The following BRD2 variants were observed in gnomAD, a reference collection of about 807,000 sequenced individuals.
BRD2 encodes bromodomain-containing protein 2.
BRD2 carries 15 observed loss-of-function variants against 79.1 expected under a neutral mutation model. That is an observed-to-expected ratio of 0.19 (90% CI 0.13 to 0.29). The LOEUF is 0.29. Among genes scored for constraint, BRD2 ranks in the 10% least tolerant of loss-of-function variants. The probability of loss-of-function intolerance (pLI) is 1.00; values close to 1 mark genes in which losing one functional copy is unlikely to be tolerated. For synonymous variants in BRD2, 488 were observed against 358.6 expected, an observed-to-expected ratio of 1.36 and a Z score of -4.08; for missense variants, 1,053 against 991.3, an observed-to-expected ratio of 1.06 and a Z score of -0.84.
At chr6:32,979,598 G>A (rs894120917) in intron 10 of BRD2, 13 of 529,672 alleles carry the variant, frequency 2.5e-5, no homozygotes, top group Admixed American at 7.0e-5. Flanking sequence ...TTTCATTAAG[G>A]TATGTACGTA....
Position 32,978,120 on chromosome 6 carries a change from C to T in BRD2, c.1579-6C>T, listed in dbSNP as rs371813541. ...CTTTTTCCACTTCATGTTTTTTTTC[C>T]TTTAGCTTCGGGCAGTACATGAACA... On this transcript the variant is annotated splice_region_variant and splice_polypyrimidine_tract_variant and intron_variant, in intron 9 of 12. Coordinates refer to ENST00000374825, the MANE Select transcript of BRD2 (RefSeq NM_005104.4). The T allele has an allele frequency of 1.7e-4, 263 of 1,590,566 alleles. No individual in the cohort carries two copies. The African/African-American group carries it at 1.9e-3, about 11-fold the overall frequency.
At chr6:32,971,551 A>G in intron 1 of BRD2, 44 bp from the exon 2 acceptor site, 1 of 452,162 alleles carries the variant, frequency 2.2e-6, no homozygotes, top group South Asian at 4.7e-5. Context: ...GCCATAGAGG[A>G]GCAGGCCGCG....
In BRD2 at chr6:32,971,854, A is replaced by C; in HGVS notation, c.-1045A>C. On this transcript the variant is annotated 5_prime_UTR_variant, in exon 2 of 13. Transcript: ENST00000374825. ...GAGGCTCTGGGGCGATGGCTTCCGC[A>C]CCTCTTCCAACCACCCTCTTTCCCT... 1.4e-6 allele frequency: 1 copy of C among 696,094 alleles called. No individual in the cohort carries two copies. The highest frequency in any genetic ancestry group is 2.6e-6 in the Non-Finnish European group (1 of 381,872). The allele number at this position is 696,094 out of a possible 1,614,324, so 43.1% of individuals were successfully genotyped here. A position where few individuals can be genotyped will look rare whatever the true frequency, so the allele number is the denominator to read the frequency against.
At chr6:32,974,977 C>T in intron 3 of BRD2, 2 of 1,480,120 alleles carry the variant, frequency 1.4e-6, no homozygotes, top group South Asian at 1.2e-5. Context: ...TTGTGCCCTC[C>T]ATGTGTCCTT....
chr6:32,980,603 C>G lies in BRD2; in HGVS notation c.2291C>G (p.Ser764Cys). ...GCAGCGAATGAGAAAACAGAGTCATCCTCTGCACAGCAAGTAGCAGTGTCA... is the reference window on the plus strand; with the variant it reads ...GCAGCGAATGAGAAAACAGAGTCATGCTCTGCACAGCAAGTAGCAGTGTCA... ...PKKANEKTES[S>C]SAQQVAVSRL... The change falls in exon 13 of 13, where the codon TCC becomes TGC. Residue 764 changes from serine to cysteine, a missense_variant. Physicochemically the swap from Ser to Cys is moderately radical, Grantham distance 112. Transcript: ENST00000374825. 2 of 1,610,358 alleles carry G rather than the reference C, an allele frequency of 1.2e-6. No homozygotes were observed. Among genetic ancestry groups the G allele is most frequent in the Non-Finnish European group, 8.5e-7 (1 of 1,177,826 alleles).
chr6:32,972,821 C>T lies in BRD2; in HGVS notation c.-78C>T, dbSNP rs1778196692. 2.5e-6 allele frequency: 4 copies of T among 1,606,858 alleles called. No homozygotes were observed. The highest frequency in any genetic ancestry group is 2.2e-5 in the East Asian group (1 of 44,868). On this transcript the variant is annotated 5_prime_UTR_variant, in exon 2 of 13. Coordinates refer to ENST00000374825, the MANE Select transcript of BRD2 (RefSeq NM_005104.4). ...CCTCCCCCCAACTTAGCGGGTTATG[C>T]TGGACCGGGCGGTGAGGGGAACCGA...
intron 4 of BRD2, among the ~76,000 whole-genome samples, 154 bp downstream of exon 4, chr6:32,975,675 T>TCTA: frequency 6.6e-6 from 1 of 152,334 alleles, no homozygotes; most frequent in East Asian, 1.9e-4. Flanking sequence ...CTCTAGATGG[T>TCTA]ACTATTGAAC....
Position 32,975,378 on chromosome 6 carries a change from A to G in BRD2, c.334-6A>G, listed in dbSNP as rs538108726. 4 of 1,600,086 alleles carry G rather than the reference A, an allele frequency of 2.5e-6. No homozygotes were observed. In the Admixed American group the frequency reaches 5.1e-5, roughly 20 times the overall value. On this transcript the variant is annotated splice_region_variant and splice_polypyrimidine_tract_variant and intron_variant, in intron 3 of 12. Transcript: ENST00000374825. ...TGTGGTTCTGACCTAACATTTTTTT[A>G]TTTAGGATTATCACAAAATTATAAA...
At chr6:32,969,318 A>T in intron 1 of BRD2, 1 of 716,672 alleles carries the variant, frequency 1.4e-6, no homozygotes, top group Non-Finnish European at 2.6e-6. Flanking sequence ...CCCCTATTCC[A>T]TTCGTCCCCT....
At chr6:32,974,861 G>A in intron 3 of BRD2, 96 bp downstream of exon 3, 1 of 1,468,922 alleles carries the variant, frequency 6.8e-7, no homozygotes, top group Non-Finnish European at 9.2e-7. Flanking sequence ...GGCCCCTAGG[G>A]AGTTCCCATT....
At chr6:32,973,188 A>C in intron 2 of BRD2, 2 of 1,528,662 alleles carry the variant, frequency 1.3e-6, no homozygotes, top group Non-Finnish European at 1.8e-6. Context: ...AGTCAGGCAG[A>C]GCTAGTTTGA....
intron 4 of BRD2, 147 bp from the exon 5 acceptor site, chr6:32,975,884 A>G: frequency 1.0e-6 from 1 of 1,002,630 alleles, no homozygotes; most frequent in Admixed American, 3.3e-5. Context: ...GGCCTGGAGT[A>G]GGAAATTTTC....
chr6:32,973,134 T>C, intron 2 of BRD2: 1 of 1,550,318 alleles, frequency 6.5e-7, no homozygotes, highest in Non-Finnish European at 8.7e-7. Flanking sequence ...ATACAGGTTG[T>C]CAATTTATAC....
At position 32,976,854 on chromosome 6, in the gene BRD2, A is replaced by G. The variant is rs759008499; in HGVS notation, c.1118A>G (p.Tyr373Cys). The G allele has an allele frequency of 2.5e-6, 4 of 1,613,208 alleles. No individual in the cohort carries two copies. The highest frequency in any genetic ancestry group is 3.4e-6 in the Non-Finnish European group (4 of 1,180,040). ...CATGCTGCCTATGCTTGGCCTTTCT[A>G]TAAACCAGTGGATGCTTCTGCACTT... ...KKHAAYAWPF[Y>C]KPVDASALGL... Residue 373 changes from tyrosine to cysteine, a missense_variant, in exon 7 of 13, where the codon TAT becomes TGT. Physicochemically the swap from Tyr to Cys is radical, Grantham distance 194 (BLOSUM62 -2). This residue lies in a region of BRD2 where 454 missense variants were observed against 430.5 expected (regional missense o/e 1.05). Coordinates refer to ENST00000374825, the MANE Select transcript of BRD2 (RefSeq NM_005104.4).
At position 32,978,210 on chromosome 6, in the gene BRD2, A is replaced by G. The variant is rs1218388178; in HGVS notation, c.1663A>G (p.Lys555Glu). 8 of 1,612,944 alleles carry G rather than the reference A, an allele frequency of 5.0e-6. No homozygotes were observed. The South Asian group carries it at 8.8e-5, about 18-fold the overall frequency. The change falls in exon 10 of 13, where the codon AAG (lysine) becomes GAG (glutamate). Residue 555 changes from lysine to glutamate, a missense_variant. Lys to Glu is a moderately conservative substitution (Grantham distance 56). Coordinates refer to ENST00000374825, the MANE Select transcript of BRD2 (RefSeq NM_005104.4). ...PKRKREKKEKKKKRKAEKHRG... is the reference protein window; with the variant it reads ...PKRKREKKEKEKKRKAEKHRG... ...GAGGAAAAGAGAGAAAAAAGAGAAA[A>G]AGAAGAAACGGAAGGCAGAGAAGCA...
intron 3 of BRD2, chr6:32,975,045 A>G: frequency 1.3e-6 from 2 of 1,523,248 alleles, no homozygotes; most frequent in South Asian, 1.2e-5. Flanking sequence ...TTGGGAGAGG[A>G]CCACGGTGGC....
Position 32,980,361 on chromosome 6 carries a change from A to G in BRD2, c.2166A>G (p.Gly722=), listed in dbSNP as rs1779357725. 1.9e-6 allele frequency: 3 copies of G among 1,612,956 alleles called. No homozygotes were observed. The highest frequency in any genetic ancestry group is 1.7e-6 in the Non-Finnish European group (2 of 1,180,044). ...CATTAGCCATTAAGAAGCCTGTGGG[A>G]AAGACAAAGGAGGAACTGGCTTTGG... ...RKPYTIKKPV[G]KTKEELALEK... Residue 722 remains glycine, a synonymous_variant, in exon 12 of 13, where the codon GGA becomes GGG. Transcript: ENST00000374825.
In BRD2 at chr6:32,972,202, T is replaced by G; in HGVS notation, c.-697T>G. The stretch of plus-strand genomic sequence containing the variant: ...GCTGGCGCGGGGCTCGGCGGCGCCA[T>G]TTCGTGCTGGAGTGGAGCAGCCTCT... On this transcript the variant is annotated 5_prime_UTR_variant, in exon 2 of 13. Coordinates refer to ENST00000374825, the MANE Select transcript of BRD2 (RefSeq NM_005104.4). 1 of 539,422 alleles carries G rather than the reference T, an allele frequency of 1.9e-6. No individual in the cohort carries two copies. Among genetic ancestry groups the G allele is most frequent in the Non-Finnish European group, 3.4e-6 (1 of 295,656 alleles). 33.4% of individuals were successfully genotyped at this position (539,422 alleles called of 1,614,324 possible).
Position 32,972,874 on chromosome 6 carries a change from GCAGC to G in BRD2, c.-24_-21del, listed in dbSNP as rs1459300476. 3.1e-6 allele frequency: 5 copies of G among 1,613,866 alleles called. No individual in the cohort carries two copies. The highest frequency in any genetic ancestry group is 4.2e-6 in the Non-Finnish European group (5 of 1,180,002). On this transcript the variant is annotated 5_prime_UTR_variant, in exon 2 of 13. Coordinates refer to ENST00000374825, the MANE Select transcript of BRD2 (RefSeq NM_005104.4). Reference sequence around the variant, plus strand: ...CCACCCGGACTTTCCGCGGCTGAGGGCAGCGCCGGTTCCTTGCGGTCAAGATGCT... The same window carrying G: ...CCACCCGGACTTTCCGCGGCTGAGGGGCCGGTTCCTTGCGGTCAAGATGCT...
Sources: gnomAD v4.1 joint callset for allele counts (sites outside exome capture counted in the v4.1 genomes callset) on GRCh38, gnomAD v4.1.1 for gene constraint, gnomAD v4.1.1 regional missense constraint, MANE v1.5 for transcripts, NCBI Gene and HGNC (gene_info 2026-07-23, HGNC 2026-07-21) for gene names.